ADGRL2: variants seen among roughly 807,000 people sequenced by gnomAD.
ADGRL2 encodes adhesion G protein-coupled receptor L2, also known as calcium-independent alpha-latrotoxin receptor 2.
ADGRL2 carries 44 observed loss-of-function variants against 157.4 expected under a neutral mutation model. The ratio of observed to expected loss-of-function variants is 0.28; its 90% CI spans 0.22 to 0.36. The LOEUF (loss-of-function observed/expected upper bound fraction) is 0.36. Ranked by LOEUF, ADGRL2 falls within the 10% of genes least tolerant of loss-of-function variation. ADGRL2 has a pLI of 1.00. For missense variants in ADGRL2, 1,510 were observed against 1,768.9 expected (o/e 0.85, Z 2.63); for synonymous variants, 585 against 624.7 (o/e 0.94, Z 0.95).
At chr1:81,596,160 C>A in intron 3 of ADGRL2, 2 of 478,804 alleles carry the variant, frequency 4.2e-6, no homozygotes, top group South Asian at 1.8e-5. Context: ...CTTAAGCATC[C>A]GCAATGGTGA....
chr1:81,894,984 G>C (rs665458), intron 2 of ADGRL2, among the ~76,000 whole-genome samples: 118,765 of 152,108 alleles, frequency 0.78, 46,626 homozygotes, highest in East Asian at 0.94. Flanking sequence ...TGTGGAAGGT[G>C]AAGAGGTGCC....
chr1:81,674,586 A>T (rs1557555971), intron 3 of ADGRL2, among the ~76,000 whole-genome samples: 1 of 152,232 alleles, frequency 6.6e-6, no homozygotes, highest in Admixed American at 6.5e-5. Flanking sequence ...GAACCCTCAA[A>T]GTTTGAGAGA....
chr1:81,375,776 C>T (rs769272163), intron 1 of ADGRL2, among the ~76,000 whole-genome samples: 1 of 152,072 alleles, frequency 6.6e-6, no homozygotes, highest in African/African-American at 2.4e-5. Context: ...TCCATGGGAC[C>T]TTGCACTAGA....
At chr1:81,689,404 C>A (rs924131541) in intron 3 of ADGRL2, among the ~76,000 whole-genome samples, 1 of 152,176 alleles carries the variant, frequency 6.6e-6, no homozygotes, top group Admixed American at 6.5e-5. Context: ...AAATATATGA[C>A]TCAGTCTCTC....
intron 2 of ADGRL2, among the ~76,000 whole-genome samples, chr1:81,905,043 G>A (rs1263633547): frequency 6.6e-6 from 1 of 151,646 alleles, no homozygotes; most frequent in Non-Finnish European, 1.5e-5. Flanking sequence ...TTCTGTATTG[G>A]CAATCTACTA....
chr1:81,425,757 G>C (rs1176151346), intron 1 of ADGRL2, among the ~76,000 whole-genome samples: 2 of 152,080 alleles, frequency 1.3e-5, no homozygotes, highest in East Asian at 1.9e-4. Context: ...CAGGTAGGGG[G>C]GTCTGAGTCA....
rs1032135076 is a variant in ADGRL2, at chr1:81,839,675, C to T, written c.73+2618C>T. Among the ~76,000 whole-genome samples, 6 of 151,274 alleles carry T rather than the reference C, an allele frequency of 4.0e-5. No individual in the cohort carries two copies. In the Admixed American group the frequency reaches 4.0e-4, roughly 10 times the overall value. ...GTTACTTCACTTAGAATAATAGTCT[C>T]CAGTCTCATCCAGGTCACTGCAAAT... is the stretch of plus-strand genomic sequence containing the variant. On this transcript the variant is annotated intron_variant, in intron 2 of 23. Transcript: ENST00000686636.
At chr1:81,432,814 A>C (rs1391259775) in intron 1 of ADGRL2, among the ~76,000 whole-genome samples, 2 of 152,104 alleles carry the variant, frequency 1.3e-5, no homozygotes, top group Non-Finnish European at 2.9e-5. Flanking sequence ...CTTCCCTTGG[A>C]AGGCTTGGGG....
chr1:81,757,241 G>T (rs2085723449), intron 1 of ADGRL2, among the ~76,000 whole-genome samples: 1 of 152,140 alleles, frequency 6.6e-6, no homozygotes, highest in African/African-American at 2.4e-5. Context: ...GTCTGGAGGG[G>T]CAGGGGAAAT....
chr1:81,307,106 C>T (rs1277963918), intron 1 of ADGRL2, among the ~76,000 whole-genome samples: 1 of 152,222 alleles, frequency 6.6e-6, no homozygotes, highest in Admixed American at 6.5e-5. Flanking sequence ...GATTCAGTTA[C>T]TGTCATTATC....
chr1:81,934,235 C>T (rs1240048423), intron 3 of ADGRL2, among the ~76,000 whole-genome samples: 1 of 151,932 alleles, frequency 6.6e-6, no homozygotes, highest in East Asian at 1.9e-4. Context: ...TGTAATTGGT[C>T]AGAGGACTAC....
chr1:81,427,970 A>T (rs2077249610), intron 1 of ADGRL2, among the ~76,000 whole-genome samples: 1 of 152,216 alleles, frequency 6.6e-6, no homozygotes, highest in Non-Finnish European at 1.5e-5. Flanking sequence ...GGAATAAAAA[A>T]TTAAGGAATT....
intron 3 of ADGRL2, among the ~76,000 whole-genome samples, chr1:81,637,383 G>A (rs1361174854): frequency 6.6e-6 from 1 of 152,064 alleles, no homozygotes; most frequent in East Asian, 1.9e-4. Flanking sequence ...CAGCTTCCAC[G>A]GCTAGTAGGT....
Position 81,955,891 on chromosome 1 carries a change from A to G in ADGRL2, c.1848A>G (p.Thr616=). 1.3e-6 allele frequency: 2 copies of G among 1,584,600 alleles called. No individual in the cohort carries two copies. Among genetic ancestry groups the G allele is most frequent in the Non-Finnish European group, 8.6e-7 (1 of 1,167,612 alleles). The change falls in exon 11 of 24, where the codon ACA becomes ACG. Residue 616 remains threonine, a synonymous_variant. Coordinates refer to ENST00000686636, the MANE Select transcript of ADGRL2 (RefSeq NM_001366006.2). ...CRAYLKAIVD[T]VDNLLRPEAL... ...AATGGATACAGGCAATTGTTGACAC[A>G]GTGGACAACCTTCTGAGACCCGAAG...
intron 1 of ADGRL2, among the ~76,000 whole-genome samples, chr1:81,753,163 AC>A (rs1356088792): frequency 6.6e-6 from 1 of 152,128 alleles, no homozygotes; most frequent in African/African-American, 2.4e-5. Flanking sequence ...CATACCTGAG[AC>A]TGGGCAATTT....
chr1:81,952,479 T>A (rs1572334875), intron 9 of ADGRL2, among the ~76,000 whole-genome samples: 1 of 152,298 alleles, frequency 6.6e-6, no homozygotes, highest in East Asian at 1.9e-4. Context: ...TATATGCTAA[T>A]ACATGGAACT....
Position 81,531,946 on chromosome 1 carries a change from T to C in ADGRL2, c.-247-48930T>C, listed in dbSNP as rs142075940. Among the ~76,000 whole-genome samples, 292 of 152,294 alleles carry C rather than the reference T, an allele frequency of 1.9e-3. 2 individuals carry two copies. Among genetic ancestry groups the C allele is most frequent in the African/African-American group, 6.9e-3 (286 of 41,574 alleles). On this transcript the variant is annotated intron_variant, in intron 2 of 24. Coordinates refer to the ADGRL2 transcript ENST00000370721. ...CACTGGTCATATACTTAGGTCTAACTGGCATAAAAAATGATTTGAATTTCC... is the reference window on the plus strand; with the variant it reads ...CACTGGTCATATACTTAGGTCTAACCGGCATAAAAAATGATTTGAATTTCC...
In ADGRL2 at chr1:81,544,143, C is replaced by T. The variant is rs148778424; in HGVS notation, c.-247-36733C>T. Among the ~76,000 whole-genome samples the T allele has an allele frequency of 3.7e-3, 566 of 152,204 alleles. 3 individuals are homozygous for T. Among genetic ancestry groups the T allele is most frequent in the Middle Eastern group, 6.8e-3 (2 of 294 alleles). ...TCCCTGGATCCACTGCATTTATCAT[C>T]TATGACCATGCTACAAAAATAAGTA... On this transcript the variant is annotated intron_variant, in intron 2 of 24. Coordinates refer to the ADGRL2 transcript ENST00000370721.
At chr1:81,833,699 G>T (rs1342329) in intron 1 of ADGRL2, among the ~76,000 whole-genome samples, 34,737 of 152,060 alleles carry the variant, frequency 0.23, 5,277 homozygotes, top group East Asian at 0.68. Context: ...TTTTAGGCGC[G>T]GGATATTTAA....
Sources: gnomAD v4.1 joint callset for allele counts (sites outside exome capture counted in the v4.1 genomes callset) on GRCh38, gnomAD v4.1.1 for gene constraint, MANE v1.5 for transcripts, NCBI Gene and HGNC (gene_info 2026-07-23, HGNC 2026-07-21) for gene names.